Variants in DNAI3 observed in about 807,000 individuals in gnomAD.
DNAI3 encodes WD repeat domain 63.
In DNAI3, 83 loss-of-function variants were observed where a neutral mutation model predicts 115.5. The ratio of observed to expected loss-of-function variants is 0.72; its 90% CI spans 0.60 to 0.86. The LOEUF (loss-of-function observed/expected upper bound fraction) is 0.86, where lower values mean the gene tolerates loss of function less well. DNAI3 is among the 40% of genes least tolerant of loss of function. The pLI, the probability that DNAI3 is intolerant of heterozygous loss-of-function variation, is 0.00. For synonymous variants in DNAI3, 320 were observed against 347.0 expected (o/e 0.92, Z 0.86); for missense variants, 1,004 against 1,075.8 (o/e 0.93, Z 0.93).
chr1:85,131,930 C>G (rs754090729), intron 22 of DNAI3, among the ~76,000 whole-genome samples: 8 of 152,138 alleles, frequency 5.3e-5, no homozygotes, highest in Non-Finnish European at 1.0e-4. Context: ...CCAAAACGTT[C>G]CCAACTTCTT....
intron 1 of DNAI3, among the ~76,000 whole-genome samples, chr1:85,070,059 G>A (rs1012710052): frequency 1.3e-5 from 2 of 152,112 alleles, no homozygotes; most frequent in Non-Finnish European, 1.5e-5. Flanking sequence ...TCAGGAGTTC[G>A]AGACCAGCCT....
Position 85,124,277 on chromosome 1 carries a change from T to C in DNAI3, c.2112+26T>C, listed in dbSNP as rs1208519789. Reference sequence around the variant, plus strand: ...GTAAGTTGCCTGCAAAATGGAAGCATGAGTGTGTGATCTTTTGTTATTCAG... The same window carrying C: ...GTAAGTTGCCTGCAAAATGGAAGCACGAGTGTGTGATCTTTTGTTATTCAG... On this transcript the variant is annotated intron_variant, in intron 19 of 22. Coordinates refer to ENST00000294664, the MANE Select transcript of DNAI3 (RefSeq NM_145172.5). 3.7e-6 allele frequency: 6 copies of C among 1,614,084 alleles called. No homozygotes were observed. The Admixed American group carries it at 1.0e-4, about 27-fold the overall frequency.
chr1:85,126,772 G>A (rs1021082781), intron 20 of DNAI3, 57 bp downstream of exon 20: 1 of 1,588,516 alleles, frequency 6.3e-7, no homozygotes, highest in Non-Finnish European at 8.6e-7. Flanking sequence ...GGAACATCTT[G>A]ACATTCATCT....
chr1:85,098,712 T>C (rs1655200014), intron 13 of DNAI3, 54 bp downstream of exon 13: 3 of 1,591,488 alleles, frequency 1.9e-6, no homozygotes, highest in African/African-American at 2.7e-5. Flanking sequence ...ATTTTCAGAT[T>C]TTATGCAAAG....
intron 11 of DNAI3, 22 bp downstream of exon 11, chr1:85,096,042 A>G: frequency 6.2e-7 from 1 of 1,606,260 alleles, no homozygotes; most frequent in South Asian, 1.1e-5. Flanking sequence ...AATTTTTTTC[A>G]GCTATGTATT....
At chr1:85,101,495 C>A (rs566741225) in intron 13 of DNAI3, among the ~76,000 whole-genome samples, 1 of 152,018 alleles carries the variant, frequency 6.6e-6, no homozygotes, top group South Asian at 2.1e-4. Flanking sequence ...GAGGCCGAGG[C>A]GGGCAGATCA....
At chr1:85,092,354 C>A (rs1037797475) in intron 8 of DNAI3, among the ~76,000 whole-genome samples, 3 of 152,126 alleles carry the variant, frequency 2.0e-5, no homozygotes, top group South Asian at 2.1e-4. Flanking sequence ...TTAGGAGTAT[C>A]TGTTTTTACT....
chr1:85,095,984 T>A lies in DNAI3; in HGVS notation c.1227T>A (p.Asp409Glu). Residue 409 changes from aspartate to glutamate, a missense_variant, in exon 11 of 23, where the codon GAT becomes GAA. Physicochemically the swap from Asp to Glu is conservative, Grantham distance 45 (BLOSUM62 2). Around this residue, in one of 3 missense-constraint regions of DNAI3, gnomAD observed 550 missense variants for 568.1 expected, o/e 0.97. Coordinates refer to ENST00000294664, the MANE Select transcript of DNAI3 (RefSeq NM_145172.5). ...TCTGCTTCAAGTTCTGTCCGAGTGATCCTAATATCATTGCTGGAGGCTGTA... is the reference window on the plus strand; with the variant it reads ...TCTGCTTCAAGTTCTGTCCGAGTGAACCTAATATCATTGCTGGAGGCTGTA... ...DIFCFKFCPSDPNIIAGGCIN... is the reference protein window; with the variant it reads ...DIFCFKFCPSEPNIIAGGCIN... The A allele has an allele frequency of 6.2e-7, 1 of 1,613,966 alleles. No individual in the cohort carries two copies. Among genetic ancestry groups the A allele is most frequent in the Non-Finnish European group, 8.5e-7 (1 of 1,179,886 alleles).
intron 11 of DNAI3, 96 bp downstream of exon 11, chr1:85,096,116 C>G (rs971646297): frequency 2.6e-6 from 3 of 1,150,868 alleles, no homozygotes; most frequent in Non-Finnish European, 3.8e-6. Flanking sequence ...GGATTCAATT[C>G]AGCAGAAGGA....
intron 13 of DNAI3, among the ~76,000 whole-genome samples, chr1:85,100,523 T>C (rs1301484474): frequency 6.6e-6 from 1 of 152,200 alleles, no homozygotes; most frequent in East Asian, 1.9e-4. Flanking sequence ...ACACTGTTGG[T>C]GGGACTGTAA....
chr1:85,062,742 C>T (rs181268959), intron 1 of DNAI3, among the ~76,000 whole-genome samples: 79 of 152,206 alleles, frequency 5.2e-4, no homozygotes, highest in African/African-American at 1.8e-3. Context: ...GTTATATATA[C>T]CCAGTGACTA....
At chr1:85,086,711 C>A (rs1245519966) in intron 7 of DNAI3, among the ~76,000 whole-genome samples, 3 of 152,024 alleles carry the variant, frequency 2.0e-5, no homozygotes, top group Admixed American at 2.0e-4. Flanking sequence ...CAAAATTTAC[C>A]CACTGCTATT....
At chr1:85,115,497 T>C (rs1655788568) in intron 16 of DNAI3, among the ~76,000 whole-genome samples, 1 of 152,232 alleles carries the variant, frequency 6.6e-6, no homozygotes, top group Admixed American at 6.5e-5. Flanking sequence ...CTGTTATTAT[T>C]ACTATCTCAA....
chr1:85,065,676 T>A (rs558435812), intron 1 of DNAI3, among the ~76,000 whole-genome samples: 1 of 152,366 alleles, frequency 6.6e-6, no homozygotes, highest in Non-Finnish European at 1.5e-5. Context: ...ACTCCCTTCA[T>A]GGCCTTCCCT....
At chr1:85,064,047 ATTT>A (rs1244137772) in intron 1 of DNAI3, among the ~76,000 whole-genome samples, 2 of 152,216 alleles carry the variant, frequency 1.3e-5, no homozygotes, top group Non-Finnish European at 2.9e-5. Context: ...AGATTTTGTT[ATTT>A]AACGTGTTAA....
At chr1:85,096,214 G>A (rs1369992877) in intron 11 of DNAI3, among the ~76,000 whole-genome samples, 194 bp downstream of exon 11, 3 of 152,098 alleles carry the variant, frequency 2.0e-5, no homozygotes, top group Admixed American at 1.3e-4. Context: ...AGGTGTTCAC[G>A]GGGTAACCCA....
rs761867954 is a variant in DNAI3, at chr1:85,093,542, T to TG, written c.946dup (p.Asp316GlyfsTer18). 12 of 1,614,036 alleles carry TG rather than the reference T, an allele frequency of 7.4e-6. No individual in the cohort carries two copies. The Admixed American group carries it at 1.7e-4, about 22-fold the overall frequency. On this transcript the variant is annotated frameshift_variant, in exon 9 of 23. Transcript: ENST00000294664. LOFTEE classifies it high-confidence loss of function. ...ACCTCGCAGAAGAAGAAGGCACCTTTGGGGACAAGACCGATACCCACCTGA... is the reference window on the plus strand; with the variant it reads ...ACCTCGCAGAAGAAGAAGGCACCTTTGGGGGACAAGACCGATACCCACCTGA...
At chr1:85,129,823 A>G (rs1199491920) in intron 21 of DNAI3, among the ~76,000 whole-genome samples, 167 bp from the exon 22 acceptor site, 1 of 152,160 alleles carries the variant, frequency 6.6e-6, no homozygotes, top group East Asian at 1.9e-4. Flanking sequence ...TAGATAATCT[A>G]CATAATGATT....
At chr1:85,065,872 A>C (rs1304609316) in intron 1 of DNAI3, among the ~76,000 whole-genome samples, 1 of 152,266 alleles carries the variant, frequency 6.6e-6, no homozygotes, top group African/African-American at 2.4e-5. Context: ...TAATAGAAGC[A>C]TCATAAAAGG....
Sources: gnomAD v4.1 joint callset for allele counts (sites outside exome capture counted in the v4.1 genomes callset) on GRCh38, gnomAD v4.1.1 for gene constraint, gnomAD v4.1.1 regional missense constraint, MANE v1.5 for transcripts, NCBI Gene and HGNC (gene_info 2026-07-23, HGNC 2026-07-21) for gene names.